Variants in DSCAM observed in about 807,000 individuals in gnomAD.
The protein encoded by DSCAM is DS cell adhesion molecule, also known as cell adhesion molecule DSCAM.
A neutral mutation model predicts 217.7 loss-of-function variants in DSCAM; 47 were observed. The observed-to-expected ratio is 0.22, with a 90% CI of 0.17 to 0.28. The LOEUF is 0.28. Ranked by LOEUF, DSCAM falls within the 10% of genes least tolerant of loss-of-function variation. DSCAM has a pLI of 1.00. For missense variants in DSCAM, 2,080 were observed against 2,618.3 expected, an observed-to-expected ratio of 0.79 and a Z score of 4.49; for synonymous variants, 1,056 against 1,015.3, an observed-to-expected ratio of 1.04 and a Z score of -0.76.
At chr21:40,039,170 T>TAAAGA (rs566028344) in intron 32 of DSCAM, among the ~76,000 whole-genome samples, 22 of 150,192 alleles carry the variant, frequency 1.5e-4, no homozygotes, top group African/African-American at 5.2e-4. Flanking sequence ...AGTATAATAA[T>TAAAGA]AAAGAAAAGA....
intron 1 of DSCAM, among the ~76,000 whole-genome samples, chr21:40,750,647 A>G (rs1009565596): frequency 6.6e-6 from 1 of 151,672 alleles, no homozygotes; most frequent in African/African-American, 2.4e-5. Context: ...GCCTGCTCAC[A>G]TCTGCACCAG....
At chr21:40,536,710 TA>T (rs1173135297) in intron 3 of DSCAM, among the ~76,000 whole-genome samples, 1 of 152,202 alleles carries the variant, frequency 6.6e-6, no homozygotes, top group Non-Finnish European at 1.5e-5. Context: ...CCGGTCCCGG[TA>T]GATTCTAATC....
chr21:40,239,970 G>A (rs1280798418), intron 11 of DSCAM, among the ~76,000 whole-genome samples: 1 of 152,180 alleles, frequency 6.6e-6, no homozygotes, highest in Non-Finnish European at 1.5e-5. Context: ...ACACTGGATA[G>A]GGAGGCTAGA....
intron 3 of DSCAM, among the ~76,000 whole-genome samples, chr21:40,610,303 C>G (rs2089296028): frequency 6.6e-6 from 1 of 152,208 alleles, no homozygotes; most frequent in Non-Finnish European, 1.5e-5. Context: ...ACACTGCACC[C>G]AGCCGTTGTG....
chr21:40,077,967 C>T (rs962619151), intron 26 of DSCAM, among the ~76,000 whole-genome samples: 15 of 152,324 alleles, frequency 9.8e-5, no homozygotes, highest in African/African-American at 3.6e-4. Flanking sequence ...TAAAGTTCCC[C>T]TACTAAGTTG....
chr21:40,601,432 A>T (rs2077061280), intron 3 of DSCAM, among the ~76,000 whole-genome samples: 1 of 152,180 alleles, frequency 6.6e-6, no homozygotes, highest in Admixed American at 6.5e-5. Context: ...CAGATTTTCA[A>T]ATAGACTACC....
intron 3 of DSCAM, among the ~76,000 whole-genome samples, chr21:40,570,311 T>C (rs1029072645): frequency 2.0e-5 from 3 of 152,084 alleles, no homozygotes; most frequent in African/African-American, 4.8e-5. Context: ...GAACCCAAGG[T>C]AAAGAGAATC....
At chr21:40,744,181 G>A (rs2091151781) in intron 1 of DSCAM, among the ~76,000 whole-genome samples, 2 of 152,192 alleles carry the variant, frequency 1.3e-5, no homozygotes, top group South Asian at 2.1e-4. Context: ...TTCATGGGAA[G>A]CCCACTCAGG....
At chr21:40,057,921 G>A (rs2089053121) in intron 28 of DSCAM, among the ~76,000 whole-genome samples, 1 of 132,978 alleles carries the variant, frequency 7.5e-6, no homozygotes, top group Non-Finnish European at 1.5e-5. Context: ...TGTTGCCCAG[G>A]CTGGAGTGCA....
intron 3 of DSCAM, among the ~76,000 whole-genome samples, chr21:40,643,058 G>A (rs1431806444): frequency 6.6e-6 from 1 of 152,200 alleles, no homozygotes; most frequent in East Asian, 1.9e-4. Flanking sequence ...AACTAAAACT[G>A]TTTTCTATTA....
At chr21:40,053,411 G>A (rs958065338) in intron 29 of DSCAM, among the ~76,000 whole-genome samples, 1 of 152,150 alleles carries the variant, frequency 6.6e-6, no homozygotes, top group African/African-American at 2.4e-5. Flanking sequence ...AGCACGAGAG[G>A]CTCCGTGTCT....
chr21:40,157,678 CTCTT>C (rs926000228), intron 16 of DSCAM, among the ~76,000 whole-genome samples: 11 of 127,858 alleles, frequency 8.6e-5, no homozygotes, highest in African/African-American at 3.0e-4. Context: ...GGCTTTGTCT[CTCTT>C]TCCTTTTCTT....
intron 3 of DSCAM, among the ~76,000 whole-genome samples, chr21:40,502,510 A>G (rs1056691098): frequency 1.3e-5 from 2 of 152,190 alleles, no homozygotes; most frequent in Non-Finnish European, 2.9e-5. Context: ...TTCTTTCTAC[A>G]GGCTCAAGGG....
chr21:40,631,979 A>G (rs1265985093), intron 3 of DSCAM, among the ~76,000 whole-genome samples: 1 of 152,266 alleles, frequency 6.6e-6, no homozygotes. Context: ...CAATTCTGAC[A>G]AAGTCTGCCT....
intron 20 of DSCAM, 109 bp from the exon 21 acceptor site, chr21:40,093,983 A>T: frequency 8.6e-7 from 1 of 1,163,726 alleles, no homozygotes; most frequent in Non-Finnish European, 1.2e-6. Flanking sequence ...AAAAAACTCA[A>T]CTCACTCTCC....
Position 40,196,765 on chromosome 21 carries a change from T to C in DSCAM, c.2357-7527A>G, listed in dbSNP as rs1455991363. Among the ~76,000 whole-genome samples the C allele has an allele frequency of 2.6e-5, 4 of 152,298 alleles. No homozygotes were observed. The East Asian group carries it at 5.8e-4, about 22-fold the overall frequency. ...CATAATAACAACAATAGCTAATTTT[T>C]ATGAGTGTTGACTGTGTGCTAAGAA... On this transcript the variant is annotated intron_variant, in intron 11 of 32. Transcript: ENST00000400454.
intron 3 of DSCAM, among the ~76,000 whole-genome samples, chr21:40,634,129 G>A (rs1433944550): frequency 6.6e-6 from 1 of 152,224 alleles, no homozygotes; most frequent in Non-Finnish European, 1.5e-5. Context: ...TCTCTTTATT[G>A]AAAGACGACT....
At chr21:40,502,845 A>G (rs944593271) in intron 3 of DSCAM, among the ~76,000 whole-genome samples, 1 of 152,226 alleles carries the variant, frequency 6.6e-6, no homozygotes, top group African/African-American at 2.4e-5. Flanking sequence ...TTGGGGAGTC[A>G]TAATTCTGCC....
At chr21:40,636,989 G>A (rs2089770191) in intron 3 of DSCAM, among the ~76,000 whole-genome samples, 1 of 148,846 alleles carries the variant, frequency 6.7e-6, no homozygotes, top group Non-Finnish European at 1.5e-5. Flanking sequence ...TCCCTGTATA[G>A]ACCAAAGACA....
Sources: gnomAD v4.1 joint callset for allele counts (sites outside exome capture counted in the v4.1 genomes callset) on GRCh38, gnomAD v4.1.1 for gene constraint, MANE v1.5 for transcripts, NCBI Gene and HGNC (gene_info 2026-07-23, HGNC 2026-07-21) for gene names.